The following SLC9A3 variants were observed in gnomAD, a reference collection of about 807,000 sequenced individuals.
The protein encoded by SLC9A3 is solute carrier family 9 member A3.
Under a neutral mutation model 86.8 loss-of-function variants are expected in SLC9A3, and 37 were observed. That is an observed-to-expected ratio of 0.43 (90% confidence interval 0.33 to 0.56). The LOEUF (loss-of-function observed/expected upper bound fraction) is 0.56. Among genes scored for constraint, SLC9A3 ranks in the 20% least tolerant of loss-of-function variants. SLC9A3 has a pLI of 0.06. For synonymous variants in SLC9A3, 581 were observed against 528.3 expected, an observed-to-expected ratio of 1.10 and a Z score of -1.37; for missense variants, 1,011 against 1,171.9, an observed-to-expected ratio of 0.86 and a Z score of 2.00.
intron 16 of SLC9A3, among the ~76,000 whole-genome samples, chr5:474,654 CCT>C (rs1461942800): frequency 6.4e-3 from 239 of 37,616 alleles, no homozygotes; most frequent in Middle Eastern, 0.014. Flanking sequence ...GAGGCGGAGA[CCT>C]GGAGGGAGAG....
At chr5:485,927 TG>T (rs1739441399) in intron 3 of SLC9A3, among the ~76,000 whole-genome samples, 1 of 152,182 alleles carries the variant, frequency 6.6e-6, no homozygotes, top group African/African-American at 2.4e-5. Context: ...AAAATCCAGC[TG>T]GGAGGGAAGA....
rs1388879456 is a variant in SLC9A3 at position 471,773 on chromosome 5, G to C, written c.*1606C>G. Reference sequence around the variant, plus strand: ...TAACAGTGACTGCAGTTAGGGTCGAGAGCTTCTCCGAAGCAGCGGTCATGC... The same window carrying C: ...TAACAGTGACTGCAGTTAGGGTCGACAGCTTCTCCGAAGCAGCGGTCATGC... On this transcript the variant is annotated 3_prime_UTR_variant, in exon 17 of 17. Coordinates refer to ENST00000264938, the MANE Select transcript of SLC9A3 (RefSeq NM_004174.4). The C allele has an allele frequency of 4.4e-6, 2 of 456,376 alleles. No individual in the cohort carries two copies. Among genetic ancestry groups the C allele is most frequent in the Non-Finnish European group, 8.8e-6 (2 of 226,932 alleles). The allele number at this position is 456,376 out of a possible 1,614,324, so 28.3% of individuals were successfully genotyped here. A position where few individuals can be genotyped will look rare whatever the true frequency, so the allele number is the denominator to read the frequency against.
At chr5:510,776 A>G (rs1740840766) in intron 1 of SLC9A3, among the ~76,000 whole-genome samples, 1 of 151,918 alleles carries the variant, frequency 6.6e-6, no homozygotes, top group Non-Finnish European at 1.5e-5. Context: ...ATGGAGGTGG[A>G]GGAGCTGTGG....
chr5:508,734 C>T (rs1740735807), intron 1 of SLC9A3, among the ~76,000 whole-genome samples: 1 of 152,332 alleles, frequency 6.6e-6, no homozygotes, highest in Admixed American at 6.5e-5. Context: ...AGGACAAGGA[C>T]ATTAGAGAGG....
intron 9 of SLC9A3, among the ~76,000 whole-genome samples, 175 bp downstream of exon 9, chr5:481,390 C>T (rs937543335): frequency 2.0e-5 from 3 of 152,206 alleles, no homozygotes; most frequent in East Asian, 1.9e-4. Context: ...AACTCCTTTC[C>T]GCAGCACCTG....
intron 3 of SLC9A3, among the ~76,000 whole-genome samples, chr5:486,040 T>C (rs1467157924): frequency 2.0e-5 from 3 of 152,054 alleles, no homozygotes; most frequent in African/African-American, 4.8e-5. Flanking sequence ...ACTTCCCAAA[T>C]TCCCCCGAGA....
chr5:500,223 A>G (rs1220162112), intron 1 of SLC9A3, among the ~76,000 whole-genome samples: 1 of 152,228 alleles, frequency 6.6e-6, no homozygotes, highest in Non-Finnish European at 1.5e-5. Flanking sequence ...CCCTCCCGAG[A>G]CGCACTATGC....
intron 3 of SLC9A3, 119 bp from the exon 4 acceptor site, chr5:485,350 A>C (rs41282631): frequency 1.0e-5 from 8 of 781,022 alleles, no homozygotes; most frequent in East Asian, 2.6e-5. Flanking sequence ...AGGCCGTTGG[A>C]AGGAAAATCA....
chr5:476,641 T>C lies in SLC9A3; in HGVS notation c.1792A>G (p.Met598Val), dbSNP rs774855910. 5.6e-6 allele frequency: 9 copies of C among 1,607,828 alleles called. No individual in the cohort carries two copies. The African/African-American group carries it at 8.0e-5, about 14-fold the overall frequency. Residue 598 changes from methionine to valine, a missense_variant, in exon 12 of 17, where the codon ATG becomes GTG. This residue lies in a region of SLC9A3 where 397 missense variants were observed against 346.3 expected (regional missense o/e 1.15). Transcript: ENST00000264938. ...CGCCGTCGCTGCTCCAGAGACTGCA[T>C]GTCCAGGCAGACAGCGCTGACATTT... The part of the protein sequence containing the change: ...RENVSAVCLD[M>V]QSLEQRRRSI...
At chr5:486,438 A>G (rs1457237511) in intron 3 of SLC9A3, among the ~76,000 whole-genome samples, 4 of 152,182 alleles carry the variant, frequency 2.6e-5, no homozygotes, top group Admixed American at 2.0e-4. Context: ...AGTAGTAACC[A>G]TGTTCCTTGG....
At chr5:482,263 C>T (rs566684510) in intron 7 of SLC9A3, 106 bp from the exon 8 acceptor site, 1 of 867,394 alleles carries the variant, frequency 1.2e-6, no homozygotes, top group South Asian at 1.5e-5. Context: ...CCACAGGCGC[C>T]CTCCCTGCTC....
At chr5:485,704 G>A (rs753119803) in intron 3 of SLC9A3, among the ~76,000 whole-genome samples, 5 of 152,274 alleles carry the variant, frequency 3.3e-5, no homozygotes, top group Non-Finnish European at 7.3e-5. Flanking sequence ...AAGTGGTGAC[G>A]CAGGTGAGAC....
rs967575580 is a variant in SLC9A3 at position 482,609 on chromosome 5, T to A, written c.1295A>T (p.Lys432Met). 2.5e-6 allele frequency: 4 copies of A among 1,612,860 alleles called. No individual in the cohort carries two copies. The highest frequency in any genetic ancestry group is 3.4e-6 in the Non-Finnish European group (4 of 1,179,932). Residue 432 changes from lysine to methionine, a missense_variant, in exon 7 of 17, where the codon AAG becomes ATG. Physicochemically the swap from Lys to Met is moderately conservative, Grantham distance 95. Around this residue, in one of 3 missense-constraint regions of SLC9A3, gnomAD observed 565 missense variants for 790.0 expected, o/e 0.72. Transcript: ENST00000264938. ...GGTGCTGACGAACAGGTTCTTCTCC[T>A]TGACCTTGTCTCCATCCAGAAGCAC... The part of the protein sequence containing the change: ...LVVLLDGDKV[K>M]EKNLFVSTTI...
intron 1 of SLC9A3, among the ~76,000 whole-genome samples, chr5:492,392 G>GA (rs1349684657): frequency 6.3e-5 from 5 of 78,928 alleles, no homozygotes; most frequent in East Asian, 3.0e-4. Context: ...ACCCACAGGG[G>GA]AGGGGAGGGA....
At position 520,299 on chromosome 5, in the gene SLC9A3, G is replaced by A. The variant is rs536521944; in HGVS notation, c.211+3813C>T. Among the ~76,000 whole-genome samples the A allele has an allele frequency of 3.5e-4, 53 of 152,244 alleles. 1 individual carries two copies. In the South Asian group the frequency reaches 9.3e-3, roughly 27 times the overall value. ...CCACTCCCGGCCCCAGCCCCTCCCC[G>A]GTTTCCGACATCTCAAAATTGTAAC... On this transcript the variant is annotated intron_variant, in intron 1 of 16. Coordinates refer to ENST00000264938, the MANE Select transcript of SLC9A3 (RefSeq NM_004174.4).
At chr5:477,741 C>T (rs966028543) in intron 10 of SLC9A3, 9 of 342,594 alleles carry the variant, frequency 2.6e-5, no homozygotes, top group Non-Finnish European at 4.3e-5. Context: ...CTGCCTGGGA[C>T]TTGGGATGTG....
At chr5:514,700 C>T (rs1440841541) in intron 1 of SLC9A3, among the ~76,000 whole-genome samples, 1 of 152,246 alleles carries the variant, frequency 6.6e-6, no homozygotes, top group Non-Finnish European at 1.5e-5. Flanking sequence ...TTCTTCCACA[C>T]TTTGTGTCAC....
At position 484,548 on chromosome 5, in the gene SLC9A3, C is replaced by T. The variant is rs1229485554; in HGVS notation, c.904G>A (p.Glu302Lys). ...AGGATGGCCGACAGCGACAGCATCT[C>T]GGACGTCAGGTAGGACAGGTAGGAG... ...IISYLSYLTS[E>K]MLSLSAILAI... Residue 302 changes from glutamate to lysine, a missense_variant, in exon 5 of 17, where the codon GAG (glutamate) becomes AAG (lysine). This residue lies in a region of SLC9A3 where 565 missense variants were observed against 790.0 expected (regional missense o/e 0.72). Transcript: ENST00000264938. 6.8e-6 allele frequency: 11 copies of T among 1,612,970 alleles called. No individual in the cohort carries two copies. Among genetic ancestry groups the T allele is most frequent in the South Asian group, 3.3e-5 (3 of 91,088 alleles).
intron 1 of SLC9A3, among the ~76,000 whole-genome samples, chr5:499,271 A>G (rs938647902): frequency 6.6e-6 from 1 of 152,238 alleles, no homozygotes; most frequent in African/African-American, 2.4e-5. Flanking sequence ...TAAGCACACA[A>G]TGGACGTTTG....
Sources: allele counts gnomAD v4.1 joint callset (sites outside exome capture counted in the v4.1 genomes callset), GRCh38; gene constraint gnomAD v4.1.1; regional missense constraint gnomAD v4.1.1; transcripts MANE v1.5; gene names NCBI Gene and HGNC (gene_info 2026-07-23, HGNC 2026-07-21).